The following CATSPERB variants were observed in gnomAD, a reference collection of about 807,000 sequenced individuals.
CATSPERB encodes catsper channel auxiliary subunit beta.
A neutral mutation model predicts 128.3 loss-of-function variants in CATSPERB; 93 were observed. The ratio of observed to expected loss-of-function variants is 0.72; its 90% CI spans 0.61 to 0.86. The LOEUF is 0.86. CATSPERB is among the 40% of genes least tolerant of loss of function. The pLI is 0.00. For missense variants in CATSPERB, 1,153 were observed against 1,329.5 expected (o/e 0.87, Z 2.06); for synonymous variants, 381 against 448.8 (o/e 0.85, Z 1.91).
chr14:91,670,928 G>A (rs561736224), intron 13 of CATSPERB, among the ~76,000 whole-genome samples: 97 of 150,822 alleles, frequency 6.4e-4, no homozygotes, highest in African/African-American at 2.1e-3. Flanking sequence ...TCTTGAAACC[G>A]GGAGGCAGAG....
chr14:91,599,319 G>A (rs981878820), intron 22 of CATSPERB, among the ~76,000 whole-genome samples: 7 of 152,140 alleles, frequency 4.6e-5, no homozygotes, highest in Admixed American at 1.3e-4. Flanking sequence ...CAGCACTTTG[G>A]GAGGCCGAGG....
Position 91,624,822 on chromosome 14 carries a change from T to C in CATSPERB, c.1928A>G (p.Gln643Arg), listed in dbSNP as rs755562924. 3.8e-6 allele frequency: 6 copies of C among 1,588,174 alleles called. No individual in the cohort carries two copies. Among genetic ancestry groups the C allele is most frequent in the Non-Finnish European group, 5.1e-6 (6 of 1,171,916 alleles). The change falls in exon 18 of 27, where the codon CAA becomes CGA. Residue 643 changes from glutamine (Q) to arginine (R), a missense_variant and splice_region_variant. Physicochemically the swap from Gln to Arg is conservative, Grantham distance 43. Transcript: ENST00000256343. ...GNVYKLTLDS[Q>R]VVQALFEDTD... Reference sequence around the variant, plus strand: ...ATGTATGATATTATTATACCTACCTTGTGAATCAAGAGTGAGTTTATAGAC... The same window carrying C: ...ATGTATGATATTATTATACCTACCTCGTGAATCAAGAGTGAGTTTATAGAC...
chr14:91,649,559 C>G (rs1027345751), intron 15 of CATSPERB, among the ~76,000 whole-genome samples: 1 of 150,724 alleles, frequency 6.6e-6, no homozygotes, highest in Non-Finnish European at 1.5e-5. Flanking sequence ...TGCAGTGGCA[C>G]GAACTTGGCT....
chr14:91,690,757 A>G (rs1008977051), intron 10 of CATSPERB, among the ~76,000 whole-genome samples: 40 of 152,248 alleles, frequency 2.6e-4, no homozygotes, highest in Non-Finnish European at 5.0e-4. Context: ...ATATGTGCAC[A>G]TGCACATGTG....
At chr14:91,675,437 C>G (rs532319244) in intron 11 of CATSPERB, among the ~76,000 whole-genome samples, 14 of 152,330 alleles carry the variant, frequency 9.2e-5, no homozygotes, top group African/African-American at 3.4e-4. Flanking sequence ...CTGGAATGCA[C>G]CCAGGTCTCC....
chr14:91,626,613 C>T (rs117963161), intron 17 of CATSPERB, among the ~76,000 whole-genome samples: 64 of 152,214 alleles, frequency 4.2e-4, no homozygotes, highest in Admixed American at 7.8e-4. Flanking sequence ...CTCTTTTGCA[C>T]ATGAGTGCTT....
chr14:91,640,524 T>C (rs1696634430), intron 15 of CATSPERB, among the ~76,000 whole-genome samples: 1 of 111,566 alleles, frequency 9.0e-6, no homozygotes, highest in African/African-American at 3.6e-5. Flanking sequence ...GATAGTTTAC[T>C]GAGAATGATG....
intron 17 of CATSPERB, 65 bp from the exon 18 acceptor site, chr14:91,625,072 A>G: frequency 1.1e-6 from 1 of 942,046 alleles, no homozygotes; most frequent in Non-Finnish European, 1.5e-6. Flanking sequence ...CCAATTTATG[A>G]ACAAATAATT....
At chr14:91,664,584 T>C (rs1181280895) in intron 14 of CATSPERB, among the ~76,000 whole-genome samples, 1 of 152,176 alleles carries the variant, frequency 6.6e-6, no homozygotes, top group Non-Finnish European at 1.5e-5. Flanking sequence ...TCATTTCTGC[T>C]TAGCACTGAA....
intron 22 of CATSPERB, among the ~76,000 whole-genome samples, chr14:91,601,763 G>T (rs983488909): frequency 6.6e-6 from 1 of 151,928 alleles, no homozygotes; most frequent in African/African-American, 2.4e-5. Flanking sequence ...TGTAGGTTGA[G>T]GTTTTTAGGT....
At chr14:91,722,725 A>G (rs546982030) in intron 4 of CATSPERB, among the ~76,000 whole-genome samples, 1 of 152,310 alleles carries the variant, frequency 6.6e-6, no homozygotes, top group South Asian at 2.1e-4. Context: ...AAAAAACCCC[A>G]GAGAATTATT....
Position 91,686,293 on chromosome 14 carries a change from G to A in CATSPERB, c.865-2350C>T, listed in dbSNP as rs531968106. Among the ~76,000 whole-genome samples the A allele has an allele frequency of 6.3e-4, 96 of 152,200 alleles. 2 individuals carry two copies. The South Asian group carries it at 0.018, about 29-fold the overall frequency. On this transcript the variant is annotated intron_variant, in intron 10 of 26. Transcript: ENST00000256343. The stretch of plus-strand genomic sequence containing the variant: ...TACATGAAAGTAGGGACTTTGTCTC[G>A]TTCACTATGGAATCATTCTTGTCTG...
At chr14:91,589,954 C>A (rs1893368641) in intron 23 of CATSPERB, among the ~76,000 whole-genome samples, 2 of 152,102 alleles carry the variant, frequency 1.3e-5, no homozygotes. Flanking sequence ...AAATCATATC[C>A]CAGGAGGCTG....
At chr14:91,643,955 C>A (rs1225137855) in intron 15 of CATSPERB, among the ~76,000 whole-genome samples, 1 of 136,332 alleles carries the variant, frequency 7.3e-6, no homozygotes. Context: ...ATCCCTTTAC[C>A]ATTATGTAAT....
At position 91,608,278 on chromosome 14, in the gene CATSPERB, T is replaced by C. The variant is rs1441225867; in HGVS notation, c.2709+16A>G. ...ATTCAAATAAGTGCTAGATTATTTGTAAAAAAGTTATTTACCTTTGACATG... is the reference window on the plus strand; with the variant it reads ...ATTCAAATAAGTGCTAGATTATTTGCAAAAAAGTTATTTACCTTTGACATG... On this transcript the variant is annotated intron_variant, in intron 22 of 26. Transcript: ENST00000256343. 6.7e-7 allele frequency: 1 copy of C among 1,484,886 alleles called. No individual in the cohort carries two copies. The highest frequency in any genetic ancestry group is 2.3e-5 in the East Asian group (1 of 44,088). 92.0% of individuals were successfully genotyped at this position (1,484,886 alleles called of 1,614,324 possible).
rs746461161 is a variant in CATSPERB at position 91,673,029 on chromosome 14, G to A, written c.979-13C>T. On this transcript the variant is annotated splice_polypyrimidine_tract_variant and intron_variant, in intron 12 of 26. Coordinates refer to ENST00000256343, the MANE Select transcript of CATSPERB (RefSeq NM_024764.4). ...AACAAGAGCTTGACTATAAAAAAAA[G>A]AAGGGAAAAATTAATGCTGTTTTTG... The A allele has an allele frequency of 6.4e-6, 10 of 1,560,032 alleles. No homozygotes were observed. The South Asian group carries it at 1.2e-4, about 19-fold the overall frequency.
intron 22 of CATSPERB, among the ~76,000 whole-genome samples, chr14:91,593,881 G>A (rs532309425): frequency 6.9e-6 from 1 of 145,916 alleles, no homozygotes; most frequent in South Asian, 2.4e-4. Flanking sequence ...TTGTGGAAGG[G>A]ACCCAGGGGG....
Position 91,651,719 on chromosome 14 carries a change from C to T in CATSPERB, c.1432+8118G>A, listed in dbSNP as rs532617946. ...TGTGGGATGCAGTGTCTGTGGAGGG[C>T]AAGACTTGAGGTGGTCCATTGGAGT... On this transcript the variant is annotated intron_variant, in intron 15 of 26. Transcript: ENST00000256343. 1.1e-4 allele frequency among the ~76,000 whole-genome samples: 16 copies of T among 152,180 alleles called. No individual in the cohort carries two copies. In the South Asian group the frequency reaches 3.3e-3, roughly 32 times the overall value.
Position 91,636,547 on chromosome 14 carries a change from G to C in CATSPERB, c.1620C>G (p.Ala540=). ...PPDMGFETAL[A]PQHTSLDEII... ...TTTCATCTAAGGAGGTGTGCTGTGG[G>C]GCAAGCGCAGTCTCAAAGCCCATAT... Residue 540 remains alanine (A), a synonymous_variant, in exon 17 of 27, where the codon GCC becomes GCG. Transcript: ENST00000256343. 1 of 1,613,910 alleles carries C rather than the reference G, an allele frequency of 6.2e-7. No individual in the cohort carries two copies. Among genetic ancestry groups the C allele is most frequent in the Non-Finnish European group, 8.5e-7 (1 of 1,179,972 alleles).
Sources: allele counts gnomAD v4.1 joint callset (sites outside exome capture counted in the v4.1 genomes callset), GRCh38; gene constraint gnomAD v4.1.1; transcripts MANE v1.5; gene names NCBI Gene and HGNC (gene_info 2026-07-23, HGNC 2026-07-21).